LMBR1: variants seen among roughly 807,000 people sequenced by gnomAD.
LMBR1 encodes limb development membrane protein 1.
A neutral mutation model predicts 73.9 loss-of-function variants in LMBR1; 52 were observed. That is an observed-to-expected ratio of 0.70 (90% CI 0.56 to 0.89). The LOEUF is 0.89. LMBR1 is among the 40% of genes least tolerant of loss of function. The pLI is 0.00. For missense variants in LMBR1, 539 were observed against 579.8 expected (o/e 0.93, Z 0.72); for synonymous variants, 215 against 209.4 (o/e 1.03, Z -0.23).
At chr7:156,891,512 T>C (rs547518660) in intron 1 of LMBR1, among the ~76,000 whole-genome samples, 2 of 152,128 alleles carry the variant, frequency 1.3e-5, no homozygotes, top group Admixed American at 1.3e-4. Context: ...AACTAATCTA[T>C]GATATTAGAA....
chr7:156,710,088 G>A (rs942746557), intron 15 of LMBR1, among the ~76,000 whole-genome samples: 22 of 151,808 alleles, frequency 1.4e-4, no homozygotes, highest in African/African-American at 4.6e-4. Context: ...GTATTTTTTA[G>A]TAGAGACGGG....
chr7:156,697,604 G>A (rs375915541), intron 15 of LMBR1, among the ~76,000 whole-genome samples: 4 of 152,228 alleles, frequency 2.6e-5, no homozygotes, highest in Middle Eastern at 3.4e-3. Context: ...TGAATTTAGC[G>A]ATATCTTCCC....
At chr7:156,821,480 C>T (rs1202989165) in intron 4 of LMBR1, among the ~76,000 whole-genome samples, 3 of 152,214 alleles carry the variant, frequency 2.0e-5, no homozygotes, top group African/African-American at 4.8e-5. Context: ...ATGGGCTGTA[C>T]ATCTGGTGGT....
chr7:156,697,029 T>C (rs1174900672), intron 15 of LMBR1, among the ~76,000 whole-genome samples: 1 of 150,582 alleles, frequency 6.6e-6, no homozygotes, highest in East Asian at 1.9e-4. Context: ...GGTTCTATTT[T>C]CCATAAGTGT....
At chr7:156,804,578 T>A (rs1338568278) in intron 4 of LMBR1, among the ~76,000 whole-genome samples, 1 of 152,256 alleles carries the variant, frequency 6.6e-6, no homozygotes, top group Non-Finnish European at 1.5e-5. Flanking sequence ...ATTGCTGTTT[T>A]AATTCCCATT....
At chr7:156,755,205 G>C (rs1386376239) in intron 9 of LMBR1, among the ~76,000 whole-genome samples, 1 of 152,210 alleles carries the variant, frequency 6.6e-6, no homozygotes, top group African/African-American at 2.4e-5. Flanking sequence ...TAGCCATCTA[G>C]CAAGGGTTTC....
chr7:156,839,047 CTTTTTT>C lies in LMBR1; in HGVS notation c.67-2168_67-2163del, dbSNP rs1164786244. Among the ~76,000 whole-genome samples, 926 of 98,542 alleles carry C rather than the reference CTTTTTT, an allele frequency of 9.4e-3. 4 individuals carry two copies. Among genetic ancestry groups the C allele is most frequent in the Non-Finnish European group, 0.013 (647 of 50,540 alleles). The allele number at this position is 98,542 out of a possible 152,430, so 64.6% of individuals were successfully genotyped here. A position where few individuals can be genotyped will look rare whatever the true frequency, so the allele number is the denominator to read the frequency against. ...GAGAAATATCTATTCTAGTCCTTTGCTTTTTTTTTTTTTTTTTTTTGGACAGAGTTT... is the reference window on the plus strand; with the variant it reads ...GAGAAATATCTATTCTAGTCCTTTGCTTTTTTTTTTTTTTGGACAGAGTTT... On this transcript the variant is annotated intron_variant, in intron 1 of 16. Transcript: ENST00000353442.
At chr7:156,776,379 A>C (rs1028730435) in intron 5 of LMBR1, among the ~76,000 whole-genome samples, 4 of 152,106 alleles carry the variant, frequency 2.6e-5, no homozygotes, top group African/African-American at 4.8e-5. Flanking sequence ...CCTGGTTCAC[A>C]AGTACTTCTT....
intron 4 of LMBR1, among the ~76,000 whole-genome samples, chr7:156,671,721 G>A (rs879354123): frequency 1.3e-5 from 2 of 150,790 alleles, no homozygotes; most frequent in African/African-American, 4.8e-5. Flanking sequence ...TTTTCAGCCC[G>A]TGTCCCTCCC....
chr7:156,725,932 A>T, intron 12 of LMBR1, 95 bp from the exon 13 acceptor site: 1 of 905,152 alleles, frequency 1.1e-6, no homozygotes, highest in South Asian at 1.6e-5. Context: ...AGTTGAAATT[A>T]TGAATGTTTA....
chr7:156,796,338 A>G lies in LMBR1; in HGVS notation c.423+51T>C, dbSNP rs1037085605. 2.5e-6 allele frequency: 3 copies of G among 1,186,420 alleles called. No homozygotes were observed. The South Asian group carries it at 4.3e-5, about 17-fold the overall frequency. 73.5% of individuals were successfully genotyped at this position (1,186,420 alleles called of 1,614,324 possible). On this transcript the variant is annotated intron_variant, in intron 5 of 16. Transcript: ENST00000353442. ...TGCTTTTTCTAGTTCAATGTGAATG[A>G]TATTTAATTCCTCACTTAACCAATT...
chr7:156,707,314 A>G (rs768783447), intron 15 of LMBR1, among the ~76,000 whole-genome samples: 1 of 152,186 alleles, frequency 6.6e-6, no homozygotes, highest in Non-Finnish European at 1.5e-5. Flanking sequence ...TGTACAAAGA[A>G]GAACTAATAC....
intron 1 of LMBR1, among the ~76,000 whole-genome samples, chr7:156,861,691 C>T (rs1453727540): frequency 1.3e-5 from 2 of 152,204 alleles, no homozygotes; most frequent in African/African-American, 4.8e-5. Flanking sequence ...GAATGCTTTG[C>T]TGCTTAGAAA....
intron 8 of LMBR1, among the ~76,000 whole-genome samples, chr7:156,761,014 C>G (rs929654979): frequency 6.6e-6 from 1 of 152,192 alleles, no homozygotes; most frequent in Non-Finnish European, 1.5e-5. Context: ...GATATTTGAG[C>G]TAGGCCGTAG....
At chr7:156,690,017 T>C (rs1046638356) in intron 15 of LMBR1, among the ~76,000 whole-genome samples, 20 of 152,078 alleles carry the variant, frequency 1.3e-4, no homozygotes, top group African/African-American at 4.6e-4. Context: ...CTATGAATCT[T>C]CTCACAAGAA....
At chr7:156,728,147 C>G (rs1415809595) in intron 11 of LMBR1, 140 bp from the exon 12 acceptor site, 2 of 597,566 alleles carry the variant, frequency 3.3e-6, no homozygotes, top group Non-Finnish European at 5.9e-6. Context: ...CTAAAGTAAT[C>G]AGACTACAAA....
chr7:156,821,573 C>A (rs1177197617), intron 4 of LMBR1, among the ~76,000 whole-genome samples: 1 of 152,146 alleles, frequency 6.6e-6, no homozygotes, highest in Non-Finnish European at 1.5e-5. Flanking sequence ...GCCAGATGCT[C>A]AGAGTCTTGA....
intron 5 of LMBR1, among the ~76,000 whole-genome samples, chr7:156,790,472 C>T (rs1829011091): frequency 6.6e-6 from 1 of 151,980 alleles, no homozygotes; most frequent in African/African-American, 2.4e-5. Flanking sequence ...TTCCAAAGTT[C>T]ACATTTTTTG....
intron 9 of LMBR1, among the ~76,000 whole-genome samples, chr7:156,742,758 G>C (rs1272131081): frequency 2.0e-5 from 3 of 152,068 alleles, no homozygotes; most frequent in Non-Finnish European, 2.9e-5. Context: ...CCAAACTCTT[G>C]TTAAGGGGCC....
Sources: gnomAD v4.1 joint callset for allele counts (sites outside exome capture counted in the v4.1 genomes callset) on GRCh38, gnomAD v4.1.1 for gene constraint, MANE v1.5 for transcripts, NCBI Gene and HGNC (gene_info 2026-07-23, HGNC 2026-07-21) for gene names.